The following ITGB4 variants were observed in gnomAD, a reference collection of about 807,000 sequenced individuals.
ITGB4 encodes integrin subunit beta 4, also known as integrin beta-4.
A neutral mutation model predicts 207.6 loss-of-function variants in ITGB4; 159 were observed. That is an observed-to-expected ratio of 0.77 (90% CI 0.67 to 0.87). The LOEUF (loss-of-function observed/expected upper bound fraction) is 0.87, where lower values mean the gene tolerates loss of function less well. ITGB4 is among the 40% of genes least tolerant of loss of function. The pLI, the probability that ITGB4 is intolerant of heterozygous loss-of-function variation, is 0.00. For missense variants in ITGB4, 2,278 were observed against 2,546.8 expected, an observed-to-expected ratio of 0.89 and a Z score of 2.27; for synonymous variants, 1,020 against 1,062.7, an observed-to-expected ratio of 0.96 and a Z score of 0.78.
chr17:75,744,115 CTTTT>C (rs759492811), intron 26 of ITGB4, among the ~76,000 whole-genome samples: 3 of 110,958 alleles, frequency 2.7e-5, no homozygotes, highest in Non-Finnish European at 3.6e-5. Flanking sequence ...AGGGCTCGCT[CTTTT>C]TTTTTTTTTT....
chr17:75,744,411 C>T (rs1412111650), intron 26 of ITGB4, among the ~76,000 whole-genome samples: 5 of 151,828 alleles, frequency 3.3e-5, no homozygotes, highest in African/African-American at 9.7e-5. Context: ...TGAGCCACCG[C>T]GCCCGGCCCA....
chr17:75,736,335 C>T lies in ITGB4; in HGVS notation c.1809C>T (p.Cys603=). The part of the protein sequence containing the change: ...RGHCECGRCH[C]HQQSLYTDTI... ...ACTGTGAGTGTGGCCGCTGCCACTGCCACCAGCAGTCGCTCTACACGGACA... is the reference window on the plus strand; with the variant it reads ...ACTGTGAGTGTGGCCGCTGCCACTGTCACCAGCAGTCGCTCTACACGGACA... Residue 603 remains cysteine, a synonymous_variant, in exon 15 of 40, where the codon TGC becomes TGT. Transcript: ENST00000200181. 6.2e-7 allele frequency: 1 copy of T among 1,613,532 alleles called. No individual in the cohort carries two copies. The highest frequency in any genetic ancestry group is 1.7e-4 in the Middle Eastern group (1 of 6,060).
At position 75,742,192 on chromosome 17, in the gene ITGB4, A is replaced by G. The variant is rs2061126281; in HGVS notation, c.2634-149A>G. On this transcript the variant is annotated intron_variant, in intron 23 of 39. Transcript: ENST00000200181. This position sits in a 1 kb window ranked among gnomAD's most constrained non-coding sequence, Gnocchi z 5.9. ...AGGGTAAAGGGTATGGGGCTGGCAT[A>G]GGCCTGGAGCACTGCCTGCCTCTGA... The G allele has an allele frequency of 2.0e-6, 2 of 998,664 alleles. No individual in the cohort carries two copies. The highest frequency in any genetic ancestry group is 3.2e-5 in the African/African-American group (2 of 62,734). 61.9% of individuals were successfully genotyped at this position (998,664 alleles called of 1,614,324 possible).
chr17:75,727,216 C>T lies in ITGB4; in HGVS notation c.101C>T (p.Pro34Leu), dbSNP rs774591158. 6.2e-7 allele frequency: 1 copy of T among 1,614,076 alleles called. No homozygotes were observed. Among genetic ancestry groups the T allele is most frequent in the East Asian group, 2.2e-5 (1 of 44,860 alleles). Residue 34 changes from proline to leucine, a missense_variant, in exon 3 of 40, where the codon CCA becomes CTA. Pro to Leu is a moderately conservative substitution (Grantham distance 98). Transcript: ENST00000200181. The surrounding 1 kb of genome is among the most constrained non-coding windows in gnomAD (Gnocchi z 6.0). ...GTLANRCKKA[P>L]VKSCTECVRV... ...CCAGCAAACCGCTGCAAGAAGGCCC[C>T]AGTGAAGAGCTGCACGGAGTGTGTC...
At position 75,739,310 on chromosome 17, in the gene ITGB4, A is replaced by G. The variant is rs540577665; in HGVS notation, c.2221-362A>G. ...ACCCTGTCTCAAAAAAAAAAAAAAG[A>G]AAAGAAACAAGTTTCTTCTCTGCAG... is the stretch of plus-strand genomic sequence containing the variant. On this transcript the variant is annotated intron_variant, in intron 18 of 39. Coordinates refer to ENST00000200181, the MANE Select transcript of ITGB4 (RefSeq NM_000213.5). The surrounding 1 kb of genome is among the most constrained non-coding windows in gnomAD (Gnocchi z 5.4). 2.6e-5 allele frequency among the ~76,000 whole-genome samples: 4 copies of G among 151,242 alleles called. No individual in the cohort carries two copies. The highest frequency in any genetic ancestry group is 2.1e-4 in the South Asian group (1 of 4,796).
Position 75,730,241 on chromosome 17 carries a change from A to C in ITGB4, c.739A>C (p.Arg247=), listed in dbSNP as rs1387244132. The change falls in exon 8 of 40, where the codon AGG becomes CGG. Residue 247 remains arginine, a splice_region_variant and synonymous_variant. Coordinates refer to ENST00000200181, the MANE Select transcript of ITGB4 (RefSeq NM_000213.5). ...GCACGCCCCGCCTTGCCTTCCCCAG[A>C]GGGACATTGGCTGGCGCCCGGACAG... ...DAILQTAVCT[R]DIGWRPDSTH... The C allele has an allele frequency of 3.1e-6, 5 of 1,612,734 alleles. No homozygotes were observed. The highest frequency in any genetic ancestry group is 2.2e-5 in the East Asian group (1 of 44,892).
Position 75,731,292 on chromosome 17 carries a change from G to T in ITGB4, c.1139G>T (p.Gly380Val), listed in dbSNP as rs1468609833. ...LDIRALDSPR[G>V]LRTEVTSKMF... ...ATCCGGGCCCTAGACAGCCCCCGAGGCCTTCGGACAGAGGTCACCTCCAAG... is the reference window on the plus strand; with the variant it reads ...ATCCGGGCCCTAGACAGCCCCCGAGTCCTTCGGACAGAGGTCACCTCCAAG... The change falls in exon 10 of 40, where the codon GGC becomes GTC. Residue 380 changes from glycine (G) to valine (V), a missense_variant. Coordinates refer to ENST00000200181, the MANE Select transcript of ITGB4 (RefSeq NM_000213.5). This position sits in a 1 kb window ranked among gnomAD's most constrained non-coding sequence, Gnocchi z 6.8. The T allele has an allele frequency of 1.2e-6, 2 of 1,613,588 alleles. No homozygotes were observed. Among genetic ancestry groups the T allele is most frequent in the Non-Finnish European group, 8.5e-7 (1 of 1,180,022 alleles).
In ITGB4 at chr17:75,757,708, G is replaced by T. The variant is rs569697353; in HGVS notation, c.*153G>T. On this transcript the variant is annotated 3_prime_UTR_variant, in exon 40 of 40. Coordinates refer to ENST00000200181, the MANE Select transcript of ITGB4 (RefSeq NM_000213.5). ...TAGGTGTCTCCTGGGAGGCATGAAG[G>T]GGGCAAGGTCCGTCCTCTGTGGGCC... is the stretch of plus-strand genomic sequence containing the variant. The T allele has an allele frequency of 2.8e-6, 3 of 1,079,106 alleles. No homozygotes were observed. In the African/African-American group the frequency reaches 4.6e-5, roughly 17 times the overall value. The allele number at this position is 1,079,106 out of a possible 1,614,324, so 66.8% of individuals were successfully genotyped here.
rs1409276999 is a variant in ITGB4 at position 75,732,717 on chromosome 17, C to A, written c.1454+478C>A. On this transcript the variant is annotated intron_variant, in intron 12 of 39. Transcript: ENST00000200181. This position sits in a 1 kb window ranked among gnomAD's most constrained non-coding sequence, Gnocchi z 5.3. ...CATGACAGGGCACTGGGGTTTAGGTCTCAGCTCAGCCACTTCTGTCTGCAT... is the reference window on the plus strand; with the variant it reads ...CATGACAGGGCACTGGGGTTTAGGTATCAGCTCAGCCACTTCTGTCTGCAT... Among the ~76,000 whole-genome samples, 3 of 152,154 alleles carry A rather than the reference C, an allele frequency of 2.0e-5. No homozygotes were observed. Among genetic ancestry groups the A allele is most frequent in the Non-Finnish European group, 2.9e-5 (2 of 68,026 alleles).
chr17:75,753,948 G>T lies in ITGB4; in HGVS notation c.4292G>T (p.Arg1431Leu). Reference protein sequence around the residue: ...GAGGKGGSLPRSATPGPPGEH... With the variant: ...GAGGKGGSLPLSATPGPPGEH... ...GGCGGGAAGGGCGGCAGCCTGCCCC[G>T]CAGTGCGACACCCGGGCCCCCCGGA... is the stretch of plus-strand genomic sequence containing the variant. The change falls in exon 33 of 40, where the codon CGC becomes CTC. Residue 1431 changes from arginine to leucine, a missense_variant. Transcript: ENST00000200181. 1.6e-6 allele frequency: 2 copies of T among 1,272,190 alleles called. No homozygotes were observed. Among genetic ancestry groups the T allele is most frequent in the Non-Finnish European group, 2.0e-6 (2 of 1,014,654 alleles). 78.8% of individuals were successfully genotyped at this position (1,272,190 alleles called of 1,614,324 possible). A position where few individuals can be genotyped will look rare whatever the true frequency, so the allele number is the denominator to read the frequency against.
chr17:75,725,761 G>A (rs532209788), intron 2 of ITGB4, among the ~76,000 whole-genome samples: 18 of 152,300 alleles, frequency 1.2e-4, no homozygotes, highest in Non-Finnish European at 2.2e-4. Context: ...TACTTCATTC[G>A]TTACTGAGGA....
chr17:75,732,333 T>A lies in ITGB4; in HGVS notation c.1454+94T>A. 1 of 1,224,554 alleles carries A rather than the reference T, an allele frequency of 8.2e-7. No homozygotes were observed. Among genetic ancestry groups the A allele is most frequent in the Non-Finnish European group, 1.2e-6 (1 of 833,896 alleles). 75.9% of individuals were successfully genotyped at this position (1,224,554 alleles called of 1,614,324 possible). On this transcript the variant is annotated intron_variant, in intron 12 of 39. Transcript: ENST00000200181. This position sits in a 1 kb window ranked among gnomAD's most constrained non-coding sequence, Gnocchi z 5.3. ...GGGGCCTGGCCCTGGGTGCACCTTGTACACCTGGCTGGGGGTGGGGCGGCA... is the reference window on the plus strand; with the variant it reads ...GGGGCCTGGCCCTGGGTGCACCTTGAACACCTGGCTGGGGGTGGGGCGGCA...
Position 75,756,847 on chromosome 17 carries a change from G to A in ITGB4, c.5041G>A (p.Ala1681Thr), listed in dbSNP as rs771325116. 8 of 1,612,180 alleles carry A rather than the reference G, an allele frequency of 5.0e-6. No homozygotes were observed. The highest frequency in any genetic ancestry group is 6.8e-6 in the Non-Finnish European group (8 of 1,179,988). Reference protein sequence around the residue: ...IVGYLVTCEMAQGGGPATAFR... With the variant: ...IVGYLVTCEMTQGGGPATAFR... Reference sequence around the variant, plus strand: ...CGGCTACCTGGTGACCTGTGAGATGGCCCAAGGAGGAGGTGCTGCCCACCC... The same window carrying A: ...CGGCTACCTGGTGACCTGTGAGATGACCCAAGGAGGAGGTGCTGCCCACCC... Residue 1681 changes from alanine to threonine, a missense_variant, in exon 37 of 40, where the codon GCC becomes ACC. Coordinates refer to ENST00000200181, the MANE Select transcript of ITGB4 (RefSeq NM_000213.5).
In ITGB4 at chr17:75,729,156, C is replaced by CT. The variant is rs1483846276; in HGVS notation, c.567-108dup. On this transcript the variant is annotated intron_variant, in intron 6 of 39. Transcript: ENST00000200181. This position sits in a 1 kb window ranked among gnomAD's most constrained non-coding sequence, Gnocchi z 4.4. ...CCTGGGTGATAAAGCGAGACTTGGT[C>CT]TCAAAAAAAAAAAAAAAAATTCTCC... 13 of 790,938 alleles carry CT rather than the reference C, an allele frequency of 1.6e-5. No individual in the cohort carries two copies. The Admixed American group carries it at 5.0e-4, about 30-fold the overall frequency. The allele number at this position is 790,938 out of a possible 1,614,324, so 49.0% of individuals were successfully genotyped here.
In ITGB4 at chr17:75,721,503, C is replaced by T. The variant is rs2060616834; in HGVS notation, c.-120C>T. On this transcript the variant is annotated 5_prime_UTR_variant, in exon 1 of 40. Transcript: ENST00000200181. ...CCCTCGGACAGTCCCTGCTCGCCCGCGCGCTGCAGCCCCATCTCCTAGCGG... is the reference window on the plus strand; with the variant it reads ...CCCTCGGACAGTCCCTGCTCGCCCGTGCGCTGCAGCCCCATCTCCTAGCGG... The T allele has an allele frequency of 6.6e-6, 1 of 151,496 alleles. No homozygotes were observed. The highest frequency in any genetic ancestry group is 6.6e-5 in the Admixed American group (1 of 15,242). The allele number at this position is 151,496 out of a possible 1,614,324, so 9.4% of individuals were successfully genotyped here.
intron 2 of ITGB4, 81 bp downstream of exon 2, chr17:75,724,863 G>A (rs2148452572): frequency 4.2e-6 from 5 of 1,192,276 alleles, no homozygotes; most frequent in Non-Finnish European, 3.7e-6. Flanking sequence ...GGATCTCACG[G>A]TGTCTCACCT....
chr17:75,754,399 C>T (rs2061438959), intron 33 of ITGB4, 177 bp from the exon 34 acceptor site: 3 of 714,744 alleles, frequency 4.2e-6, no homozygotes, highest in Non-Finnish European at 7.0e-6. Flanking sequence ...CCTGGGTGGC[C>T]CTTGGGCTCC....
chr17:75,741,915 C>T (rs962704039), intron 23 of ITGB4, among the ~76,000 whole-genome samples: 5 of 152,172 alleles, frequency 3.3e-5, no homozygotes, highest in Non-Finnish European at 5.9e-5. Flanking sequence ...TCTCGTCAAG[C>T]CTGTGAGGTA....
chr17:75,727,456 G>A lies in ITGB4; in HGVS notation c.215G>A (p.Cys72Tyr). Reference protein sequence around the residue: ...NTQAELLAAGCQRESIVVMES... With the variant: ...NTQAELLAAGYQRESIVVMES... ...CAGGCGGAGCTGCTGGCCGCGGGCT[G>A]CCAGCGGGAGAGCATCGTGGTCATG... is the stretch of plus-strand genomic sequence containing the variant. The change falls in exon 4 of 40, where the codon TGC becomes TAC. Residue 72 changes from cysteine (C) to tyrosine (Y), a missense_variant. Cys to Tyr is a radical substitution (Grantham distance 194, BLOSUM62 -2). Coordinates refer to ENST00000200181, the MANE Select transcript of ITGB4 (RefSeq NM_000213.5). This position sits in a 1 kb window ranked among gnomAD's most constrained non-coding sequence, Gnocchi z 6.0. 6.2e-7 allele frequency: 1 copy of A among 1,613,962 alleles called. No individual in the cohort carries two copies. The highest frequency in any genetic ancestry group is 8.5e-7 in the Non-Finnish European group (1 of 1,180,026).
Sources: allele counts gnomAD v4.1 joint callset (sites outside exome capture counted in the v4.1 genomes callset), GRCh38; gene constraint gnomAD v4.1.1; non-coding constraint Gnocchi (gnomAD v3.1); transcripts MANE v1.5; gene names NCBI Gene and HGNC (gene_info 2026-07-23, HGNC 2026-07-21).